The following PIK3CB variants were observed in gnomAD, a reference collection of about 807,000 sequenced individuals.
PIK3CB encodes phosphatidylinositol 4,5-bisphosphate 3-kinase catalytic subunit beta isoform.
A neutral mutation model predicts 136.8 loss-of-function variants in PIK3CB; 39 were observed. The ratio of observed to expected loss-of-function variants is 0.29; its 90% CI spans 0.22 to 0.37. The LOEUF (loss-of-function observed/expected upper bound fraction) is 0.37, where lower values mean the gene tolerates loss of function less well. Ranked by LOEUF, PIK3CB falls within the 10% of genes least tolerant of loss-of-function variation. PIK3CB has a pLI of 1.00. For missense variants in PIK3CB, 868 were observed against 1,275.4 expected, an observed-to-expected ratio of 0.68 and a Z score of 4.87; for synonymous variants, 428 against 436.6, an observed-to-expected ratio of 0.98 and a Z score of 0.25.
intron 19 of PIK3CB, among the ~76,000 whole-genome samples, chr3:138,665,618 CCTT>C (rs2043391879): frequency 1.3e-5 from 2 of 152,208 alleles, no homozygotes; most frequent in Admixed American, 1.3e-4. Flanking sequence ...GAAACTCCGT[CCTT>C]CTGGTGGCAC....
At chr3:138,708,396 G>A (rs1360547562) in intron 10 of PIK3CB, among the ~76,000 whole-genome samples, 2 of 151,158 alleles carry the variant, frequency 1.3e-5, no homozygotes, top group Admixed American at 1.3e-4. Flanking sequence ...GAGTAGCTGG[G>A]ACCACAGGCG....
chr3:138,655,210 G>A lies in PIK3CB; in HGVS notation c.*179C>T. 6 of 595,956 alleles carry A rather than the reference G, an allele frequency of 1.0e-5. No homozygotes were observed. In the South Asian group the frequency reaches 1.3e-4, roughly 13 times the overall value. 36.9% of individuals were successfully genotyped at this position (595,956 alleles called of 1,614,324 possible). A position where few individuals can be genotyped will look rare whatever the true frequency, so the allele number is the denominator to read the frequency against. On this transcript the variant is annotated 3_prime_UTR_variant, in exon 24 of 24. Transcript: ENST00000674063. The stretch of plus-strand genomic sequence containing the variant: ...TCTTGGAAGCATTCAAAAAGCAGAG[G>A]GAATCATCGGGGATTGTTCAGATTA...
intron 1 of PIK3CB, among the ~76,000 whole-genome samples, chr3:138,811,266 A>T (rs984116483): frequency 6.7e-6 from 1 of 149,818 alleles, no homozygotes; most frequent in Non-Finnish European, 1.5e-5. Context: ...AAAAAAAAAA[A>T]GTCTAAGACA....
At chr3:138,734,556 A>C in intron 7 of PIK3CB, 78 bp downstream of exon 7, 1 of 1,067,586 alleles carries the variant, frequency 9.4e-7, no homozygotes, top group South Asian at 1.8e-5. Context: ...TGAGCAAAGG[A>C]AATATGTGTG....
At chr3:138,811,681 C>T (rs1933072044) in intron 1 of PIK3CB, among the ~76,000 whole-genome samples, 1 of 152,094 alleles carries the variant, frequency 6.6e-6, no homozygotes, top group Non-Finnish European at 1.5e-5. Flanking sequence ...GCCTCGGCCT[C>T]CCGAAGTGCT....
intron 1 of PIK3CB, among the ~76,000 whole-genome samples, chr3:138,811,666 C>T (rs1342012418): frequency 1.3e-5 from 2 of 152,038 alleles, no homozygotes; most frequent in Admixed American, 6.6e-5. Flanking sequence ...CCTCATGATC[C>T]GCCCGCCTCG....
At chr3:138,701,221 A>C (rs1177313751) in intron 12 of PIK3CB, among the ~76,000 whole-genome samples, 2 of 151,892 alleles carry the variant, frequency 1.3e-5, no homozygotes, top group Admixed American at 6.6e-5. Context: ...ATTAAAAAAA[A>C]AAAAACAAAA....
intron 1 of PIK3CB, among the ~76,000 whole-genome samples, chr3:138,801,177 A>T (rs2046170138): frequency 6.6e-6 from 1 of 152,146 alleles, no homozygotes; most frequent in South Asian, 2.1e-4. Flanking sequence ...ATGAGATGAC[A>T]AGTCAAAAAA....
intron 6 of PIK3CB, 148 bp from the exon 7 acceptor site, chr3:138,734,952 A>ATT (rs1200519804): frequency 6.3e-4 from 115 of 183,958 alleles, no homozygotes; most frequent in Middle Eastern, 1.8e-3. Context: ...AAAAAAAAAA[A>ATT]TTTTTTTTTT....
chr3:138,827,355 T>C (rs1933827186), intron 1 of PIK3CB, among the ~76,000 whole-genome samples: 1 of 151,976 alleles, frequency 6.6e-6, no homozygotes, highest in Non-Finnish European at 1.5e-5. Flanking sequence ...TTGAGAGAGT[T>C]AAGAACGCCT....
intron 5 of PIK3CB, among the ~76,000 whole-genome samples, chr3:138,742,319 A>C (rs759032614): frequency 6.6e-6 from 1 of 152,198 alleles, no homozygotes; most frequent in African/African-American, 2.4e-5. Flanking sequence ...CCAATTAAAC[A>C]GTCCAGTTTG....
chr3:138,658,605 C>T (rs1195160911), intron 21 of PIK3CB, among the ~76,000 whole-genome samples: 1 of 152,130 alleles, frequency 6.6e-6, no homozygotes. Flanking sequence ...TTTATTTTTG[C>T]TCCCTAATTG....
At chr3:138,797,623 AAAGT>A (rs1207075239) in intron 1 of PIK3CB, among the ~76,000 whole-genome samples, 1 of 152,208 alleles carries the variant, frequency 6.6e-6, no homozygotes, top group Non-Finnish European at 1.5e-5. Flanking sequence ...TGTTTTTCCA[AAAGT>A]AAGAAAATTG....
At position 138,685,926 on chromosome 3, in the gene PIK3CB, C is replaced by T. The variant is rs919008715; in HGVS notation, c.2137-1123G>A. On this transcript the variant is annotated intron_variant, in intron 16 of 23. Coordinates refer to ENST00000674063, the MANE Select transcript of PIK3CB (RefSeq NM_006219.3). ...CTGAGGCAAGTGGATGAGTTGAGGC[C>T]AGGAGTTCAAGACCAGCCTGGCCAA... is the stretch of plus-strand genomic sequence containing the variant. Among the ~76,000 whole-genome samples the T allele has an allele frequency of 1.3e-5, 2 of 152,090 alleles. 1 individual carries two copies. Among genetic ancestry groups the T allele is most frequent in the Non-Finnish European group, 2.9e-5 (2 of 68,032 alleles).
At chr3:138,665,609 A>C (rs2043391562) in intron 19 of PIK3CB, among the ~76,000 whole-genome samples, 1 of 152,208 alleles carries the variant, frequency 6.6e-6, no homozygotes, top group African/African-American at 2.4e-5. Flanking sequence ...TGGTTAAGGG[A>C]AACTCCGTCC....
chr3:138,794,394 G>T lies in PIK3CB; in HGVS notation c.-17+2069C>A, dbSNP rs187422497. The stretch of plus-strand genomic sequence containing the variant: ...GTTAAGAGGCTGTTGCAACTAACCA[G>T]ACCAGAGACGGTGGAGAAATTTAAT... On this transcript the variant is annotated intron_variant, in intron 2 of 23. Coordinates refer to ENST00000674063, the MANE Select transcript of PIK3CB (RefSeq NM_006219.3). Among the ~76,000 whole-genome samples, 170 of 152,330 alleles carry T rather than the reference G, an allele frequency of 1.1e-3. 1 individual carries two copies. Among genetic ancestry groups the T allele is most frequent in the Non-Finnish European group, 1.4e-3 (95 of 68,032 alleles).
At chr3:138,816,471 G>GT (rs1235590256) in intron 1 of PIK3CB, among the ~76,000 whole-genome samples, 1 of 151,964 alleles carries the variant, frequency 6.6e-6, no homozygotes, top group Non-Finnish European at 1.5e-5. Context: ...GCAAGCACCT[G>GT]TAATCCCAGC....
intron 21 of PIK3CB, among the ~76,000 whole-genome samples, chr3:138,661,934 T>C (rs2043302640): frequency 6.6e-6 from 1 of 152,146 alleles, no homozygotes; most frequent in African/African-American, 2.4e-5. Context: ...AAATGAAATT[T>C]TCATTTGAAA....
rs149351018 is a variant in PIK3CB, at chr3:138,707,569, T to G, written c.1400-280A>C. 9.9e-4 allele frequency: 1,159 copies of G among 1,167,964 alleles called. 7 individuals are homozygous for G. The African/African-American group carries it at 0.017, about 17-fold the overall frequency. The allele number at this position is 1,167,964 out of a possible 1,614,324, so 72.4% of individuals were successfully genotyped here. On this transcript the variant is annotated intron_variant, in intron 10 of 23. Coordinates refer to ENST00000674063, the MANE Select transcript of PIK3CB (RefSeq NM_006219.3). ...TTAGTTCTCAATCTTGAAAAGACTT[T>G]AATTGGAACTGCTCTCTCTCCATCA...
Sources: allele counts gnomAD v4.1 joint callset (sites outside exome capture counted in the v4.1 genomes callset), GRCh38; gene constraint gnomAD v4.1.1; transcripts MANE v1.5; gene names NCBI Gene and HGNC (gene_info 2026-07-23, HGNC 2026-07-21).